PTPRD: variants seen among roughly 807,000 people sequenced by gnomAD.
The protein encoded by PTPRD is receptor-type tyrosine-protein phosphatase delta.
In PTPRD, 34 loss-of-function variants were observed where a neutral mutation model predicts 214.5. The observed-to-expected ratio is 0.16, with a 90% CI of 0.12 to 0.21. PTPRD has a LOEUF of 0.21. PTPRD is among the 10% of genes least tolerant of loss of function. PTPRD has a pLI of 1.00. For synonymous variants in PTPRD, 1,128 were observed against 845.7 expected, an observed-to-expected ratio of 1.33 and a Z score of -5.79; for missense variants, 2,545 against 2,398.7, an observed-to-expected ratio of 1.06 and a Z score of -1.27.
At chr9:10,141,678 A>G (rs1033592486) in intron 3 of PTPRD, among the ~76,000 whole-genome samples, 31 of 152,058 alleles carry the variant, frequency 2.0e-4, no homozygotes, top group African/African-American at 7.3e-4. Context: ...CATACTGCCC[A>G]AGGTAATTTA....
At chr9:8,686,568 G>T (rs987536032) in intron 12 of PTPRD, among the ~76,000 whole-genome samples, 4 of 152,062 alleles carry the variant, frequency 2.6e-5, no homozygotes, top group African/African-American at 9.7e-5. Context: ...CTCCATTTTA[G>T]AAATAAGTGA....
chr9:9,959,949 G>A (rs1042208933), intron 4 of PTPRD, among the ~76,000 whole-genome samples: 1 of 152,152 alleles, frequency 6.6e-6, no homozygotes, highest in African/African-American at 2.4e-5. Flanking sequence ...CATGGGTTAT[G>A]ATTAAGCACA....
intron 11 of PTPRD, among the ~76,000 whole-genome samples, chr9:8,900,464 A>G (rs1376078753): frequency 6.6e-6 from 1 of 152,208 alleles, no homozygotes; most frequent in African/African-American, 2.4e-5. Context: ...TGTATTGTAA[A>G]TGGAGTGAAT....
rs150063724 is a variant in PTPRD at position 8,965,939 on chromosome 9, G to T, written c.-104+52758C>A. ...AGAACTGATAAACAATTTTAGCAAG[G>T]TTTCAGAATACAAAATCAATGTACA... is the stretch of plus-strand genomic sequence containing the variant. On this transcript the variant is annotated intron_variant, in intron 11 of 45. Transcript: ENST00000381196. Among the ~76,000 whole-genome samples, 6 of 152,160 alleles carry T rather than the reference G, an allele frequency of 3.9e-5. No homozygotes were observed. In the East Asian group the frequency reaches 1.2e-3, roughly 29 times the overall value.
intron 9 of PTPRD, among the ~76,000 whole-genome samples, chr9:9,269,411 T>C (rs575040934): frequency 6.6e-6 from 1 of 151,020 alleles, no homozygotes; most frequent in Non-Finnish European, 1.5e-5. Flanking sequence ...GGTAGGAATG[T>C]AAAGTTGTAC....
At chr9:9,342,547 G>A (rs935992903) in intron 9 of PTPRD, among the ~76,000 whole-genome samples, 3 of 152,126 alleles carry the variant, frequency 2.0e-5, no homozygotes, top group Non-Finnish European at 2.9e-5. Context: ...GTGTATGGAA[G>A]GGAAAAGTAG....
chr9:8,894,707 C>G (rs1247226919), intron 11 of PTPRD, among the ~76,000 whole-genome samples: 1 of 151,930 alleles, frequency 6.6e-6, no homozygotes, highest in African/African-American at 2.4e-5. Flanking sequence ...TGTGAAAATG[C>G]CATTTGAAAA....
intron 2 of PTPRD, among the ~76,000 whole-genome samples, chr9:10,536,515 T>G (rs2057832286): frequency 6.6e-6 from 1 of 152,148 alleles, no homozygotes; most frequent in African/African-American, 2.4e-5. Context: ...TAAATAAACT[T>G]CCCTATCCTA....
chr9:9,931,875 G>C (rs2086758141), intron 5 of PTPRD, among the ~76,000 whole-genome samples: 1 of 150,840 alleles, frequency 6.6e-6, no homozygotes, highest in Non-Finnish European at 1.5e-5. Context: ...CGCAGCTGGA[G>C]ATCTGAGAAC....
At chr9:10,312,360 A>G (rs1237669256) in intron 3 of PTPRD, among the ~76,000 whole-genome samples, 3 of 151,988 alleles carry the variant, frequency 2.0e-5, no homozygotes, top group South Asian at 2.1e-4. Flanking sequence ...AAGTAAGCAC[A>G]TACACAATTA....
chr9:8,376,522 AG>A, intron 38 of PTPRD, 84 bp downstream of exon 38: 1 of 1,573,982 alleles, frequency 6.4e-7, no homozygotes. Flanking sequence ...ATTTAAGTAA[AG>A]CCTTAAGAGA....
At chr9:9,605,657 A>G (rs2094107190) in intron 7 of PTPRD, among the ~76,000 whole-genome samples, 1 of 152,080 alleles carries the variant, frequency 6.6e-6, no homozygotes, top group Non-Finnish European at 1.5e-5. Context: ...TAGAGGATGA[A>G]CTAGAAGTTG....
intron 4 of PTPRD, among the ~76,000 whole-genome samples, chr9:10,029,217 G>T (rs1351416605): frequency 6.6e-6 from 1 of 152,178 alleles, no homozygotes; most frequent in Non-Finnish European, 1.5e-5. Flanking sequence ...GAAGTTTGCT[G>T]CAGGGGTGGG....
Position 9,705,170 on chromosome 9 carries a change from A to G in PTPRD, c.-287+29363T>C, listed in dbSNP as rs973554188. ...AATCTTTGCTCAAATACAATTCAGTATATATTCATAGAATTGCATATGACA... is the reference window on the plus strand; with the variant it reads ...AATCTTTGCTCAAATACAATTCAGTGTATATTCATAGAATTGCATATGACA... On this transcript the variant is annotated intron_variant, in intron 7 of 45. Coordinates refer to ENST00000381196, the MANE Select transcript of PTPRD (RefSeq NM_002839.4). Among the ~76,000 whole-genome samples, 28 of 152,314 alleles carry G rather than the reference A, an allele frequency of 1.8e-4. 1 individual carries two copies. The highest frequency in any genetic ancestry group is 3.4e-3 in the Middle Eastern group (1 of 294).
chr9:10,534,909 C>G (rs1041310469), intron 2 of PTPRD, among the ~76,000 whole-genome samples: 1 of 152,142 alleles, frequency 6.6e-6, no homozygotes, highest in Non-Finnish European at 1.5e-5. Flanking sequence ...AACTATTTGA[C>G]CATTGCAATA....
intron 10 of PTPRD, among the ~76,000 whole-genome samples, chr9:9,154,519 A>G (rs2099879569): frequency 6.6e-6 from 1 of 152,178 alleles, no homozygotes; most frequent in African/African-American, 2.4e-5. Context: ...ATATGAACCT[A>G]TTGAATCAAG....
At chr9:10,109,030 G>T (rs1036043080) in intron 3 of PTPRD, among the ~76,000 whole-genome samples, 2 of 152,072 alleles carry the variant, frequency 1.3e-5, no homozygotes, top group Non-Finnish European at 2.9e-5. Context: ...CTTTAAGAAT[G>T]AGGTAAGGCA....
At chr9:10,575,474 G>A (rs2068930944) in intron 2 of PTPRD, among the ~76,000 whole-genome samples, 1 of 152,088 alleles carries the variant, frequency 6.6e-6, no homozygotes, top group Admixed American at 6.6e-5. Flanking sequence ...CAAAACACCA[G>A]TGTCTTTGTT....
intron 10 of PTPRD, among the ~76,000 whole-genome samples, chr9:9,164,442 C>T (rs534466204): frequency 5.9e-5 from 9 of 152,212 alleles, no homozygotes; most frequent in South Asian, 2.1e-4. Context: ...CTTCTGATCA[C>T]GATATCTTTA....
Sources: allele counts gnomAD v4.1 joint callset (sites outside exome capture counted in the v4.1 genomes callset), GRCh38; gene constraint gnomAD v4.1.1; transcripts MANE v1.5; gene names NCBI Gene and HGNC (gene_info 2026-07-23, HGNC 2026-07-21).